SLC30A8: variants seen among roughly 807,000 people sequenced by gnomAD.
The protein encoded by SLC30A8 is proton-coupled zinc antiporter SLC30A8.
SLC30A8 carries 27 observed loss-of-function variants against 36.9 expected under a neutral mutation model. That is an observed-to-expected ratio of 0.73 (90% CI 0.54 to 1.01). The LOEUF is 1.01. SLC30A8 is among the 50% of genes least tolerant of loss of function. The pLI, the probability that SLC30A8 is intolerant of heterozygous loss-of-function variation, is 0.00. For synonymous variants in SLC30A8, 164 were observed against 172.4 expected, an observed-to-expected ratio of 0.95 and a Z score of 0.38; for missense variants, 439 against 452.0, an observed-to-expected ratio of 0.97 and a Z score of 0.26.
chr8:116,999,394 G>A (rs1474991298), intron 1 of SLC30A8, among the ~76,000 whole-genome samples: 4 of 152,182 alleles, frequency 2.6e-5, no homozygotes, highest in South Asian at 2.1e-4. Flanking sequence ...GCAGAGGTTG[G>A]TAGCAAGAGA....
At chr8:116,976,369 C>CGAT (rs1815010791) in intron 1 of SLC30A8, among the ~76,000 whole-genome samples, 1 of 151,764 alleles carries the variant, frequency 6.6e-6, no homozygotes, top group African/African-American at 2.4e-5. Flanking sequence ...TCCTACAAGC[C>CGAT]GATGTAAGCC....
chr8:117,070,765 A>G (rs774839037), intron 2 of SLC30A8, among the ~76,000 whole-genome samples: 1 of 152,134 alleles, frequency 6.6e-6, no homozygotes, highest in Admixed American at 6.6e-5. Context: ...GCCTCATGTA[A>G]CCATCATTCT....
intron 1 of SLC30A8, among the ~76,000 whole-genome samples, chr8:116,959,789 G>C (rs1596895): frequency 0.59 from 90,222 of 152,044 alleles, 26,932 homozygotes; most frequent in Middle Eastern, 0.63. Flanking sequence ...TTCCCAGCCT[G>C]TGTGAAGACT....
Position 117,045,040 on chromosome 8 carries a change from A to T in SLC30A8, c.-226+5782A>T, listed in dbSNP as rs574351494. On this transcript the variant is annotated intron_variant, in intron 2 of 10. Coordinates refer to the SLC30A8 transcript ENST00000427715. ...TGGCCTGCCAGGAATTAATTTCTCT[A>T]CTGACAGCATTGCCTTCTGCATCCT... Among the ~76,000 whole-genome samples, 17 of 152,352 alleles carry T rather than the reference A, an allele frequency of 1.1e-4. No homozygotes were observed. The South Asian group carries it at 3.3e-3, about 30-fold the overall frequency.
chr8:117,160,159 A>C (rs1586605391), intron 4 of SLC30A8, among the ~76,000 whole-genome samples: 1 of 152,354 alleles, frequency 6.6e-6, no homozygotes, highest in South Asian at 2.1e-4. Context: ...CTGGGGACTC[A>C]AAATCAGGAC....
intron 2 of SLC30A8, among the ~76,000 whole-genome samples, chr8:117,113,622 C>T (rs1043978385): frequency 6.6e-6 from 1 of 152,112 alleles, no homozygotes; most frequent in African/African-American, 2.4e-5. Context: ...TTATCTCTAC[C>T]ATTCAGAGAT....
chr8:117,054,171 T>G (rs1029821593), intron 2 of SLC30A8, among the ~76,000 whole-genome samples: 7 of 144,782 alleles, frequency 4.8e-5, no homozygotes, highest in African/African-American at 1.6e-4. Flanking sequence ...CAAATATGGC[T>G]CACTGCAGCC....
intron 2 of SLC30A8, among the ~76,000 whole-genome samples, chr8:117,041,888 T>G (rs1041150875): frequency 3.3e-5 from 5 of 152,140 alleles, no homozygotes; most frequent in African/African-American, 7.2e-5. Flanking sequence ...GGTGTTTTCA[T>G]TTGGGCAGTA....
chr8:117,050,624 C>T (rs1224523764), intron 2 of SLC30A8, among the ~76,000 whole-genome samples: 5 of 152,072 alleles, frequency 3.3e-5, no homozygotes, highest in Non-Finnish European at 7.4e-5. Flanking sequence ...AGGCTGGTCT[C>T]GAACTCCTGA....
chr8:116,994,547 G>A (rs916485671), intron 1 of SLC30A8, among the ~76,000 whole-genome samples: 7 of 152,228 alleles, frequency 4.6e-5, no homozygotes, highest in Admixed American at 2.6e-4. Context: ...AGTTCTGTAG[G>A]ATTCTATTTG....
At chr8:117,077,247 G>A (rs1818519281) in intron 2 of SLC30A8, among the ~76,000 whole-genome samples, 1 of 152,108 alleles carries the variant, frequency 6.6e-6, no homozygotes, top group Admixed American at 6.6e-5. Flanking sequence ...AAATACCAAT[G>A]TCAGGGCTCT....
chr8:116,994,770 C>T (rs564175717), intron 1 of SLC30A8, among the ~76,000 whole-genome samples: 3 of 152,160 alleles, frequency 2.0e-5, no homozygotes, highest in African/African-American at 4.8e-5. Context: ...TTATACCTCT[C>T]CTGTCTTTCC....
intron 2 of SLC30A8, among the ~76,000 whole-genome samples, chr8:117,051,440 C>A (rs1817704548): frequency 6.6e-6 from 1 of 152,164 alleles, no homozygotes. Context: ...GGGGGCAGAT[C>A]CCTTATGAAC....
At chr8:117,027,231 TGG>T (rs1295941823) in intron 1 of SLC30A8, among the ~76,000 whole-genome samples, 1 of 152,114 alleles carries the variant, frequency 6.6e-6, no homozygotes, top group African/African-American at 2.4e-5. Flanking sequence ...GGGCTCATCT[TGG>T]CCTCAAGGCT....
chr8:117,067,377 A>C (rs1316334291), intron 2 of SLC30A8, among the ~76,000 whole-genome samples: 1 of 151,890 alleles, frequency 6.6e-6, no homozygotes, highest in Non-Finnish European at 1.5e-5. Flanking sequence ...AATCTCTGAA[A>C]GATTTCTTAC....
intron 2 of SLC30A8, among the ~76,000 whole-genome samples, chr8:117,059,251 C>A (rs1158770702): frequency 6.6e-6 from 1 of 152,138 alleles, no homozygotes; most frequent in East Asian, 1.9e-4. Context: ...AAAGTTGTTT[C>A]TTTCTCTTCA....
intron 1 of SLC30A8, among the ~76,000 whole-genome samples, chr8:116,962,495 A>G (rs1814456123): frequency 1.3e-5 from 2 of 152,002 alleles, no homozygotes; most frequent in Non-Finnish European, 2.9e-5. Context: ...TCCGTCCCCA[A>G]ACTGTTCTTA....
chr8:116,980,147 A>G (rs1815203457), intron 1 of SLC30A8, among the ~76,000 whole-genome samples: 1 of 152,230 alleles, frequency 6.6e-6, no homozygotes, highest in South Asian at 2.1e-4. Flanking sequence ...CTGAAATTTC[A>G]AATAAGTACA....
At chr8:117,157,985 A>G (rs1388680649) in intron 4 of SLC30A8, 141 bp downstream of exon 4, 3 of 947,608 alleles carry the variant, frequency 3.2e-6, no homozygotes, top group African/African-American at 3.3e-5. Context: ...AAGATTGAAA[A>G]TAAGGTTGAC....
Sources: allele counts gnomAD v4.1 joint callset (sites outside exome capture counted in the v4.1 genomes callset), GRCh38; gene constraint gnomAD v4.1.1; transcripts MANE v1.5; gene names NCBI Gene and HGNC (gene_info 2026-07-23, HGNC 2026-07-21).